The following CDK13 variants were observed in gnomAD, a reference collection of about 807,000 sequenced individuals.
CDK13 encodes the protein cyclin-dependent kinase 13.
A neutral mutation model predicts 137.6 loss-of-function variants in CDK13; 40 were observed. That is an observed-to-expected ratio of 0.29 (90% confidence interval 0.23 to 0.38). CDK13 has a LOEUF of 0.38. Ranked by LOEUF, CDK13 falls within the 10% of genes least tolerant of loss-of-function variation. The probability of loss-of-function intolerance (pLI) is 1.00; values close to 1 mark genes in which losing one functional copy is unlikely to be tolerated. For missense variants in CDK13, 1,704 were observed against 1,951.8 expected, an observed-to-expected ratio of 0.87 and a Z score of 2.39; for synonymous variants, 869 against 760.1, an observed-to-expected ratio of 1.14 and a Z score of -2.36.
At chr7:40,037,360 A>G (rs992522943) in intron 5 of CDK13, among the ~76,000 whole-genome samples, 2 of 152,192 alleles carry the variant, frequency 1.3e-5, no homozygotes, top group African/African-American at 4.8e-5. Flanking sequence ...CACTTCCAAG[A>G]TGGCTCCCCT....
intron 1 of CDK13, among the ~76,000 whole-genome samples, chr7:39,975,839 T>G (rs1038996980): frequency 2.6e-5 from 4 of 152,228 alleles, no homozygotes; most frequent in Admixed American, 2.0e-4. Flanking sequence ...GTTTTATTTT[T>G]ATTTTAAATG....
chr7:39,962,329 T>C (rs551680377), intron 1 of CDK13, among the ~76,000 whole-genome samples: 3 of 152,370 alleles, frequency 2.0e-5, no homozygotes, highest in Admixed American at 2.0e-4. Context: ...ATCACCATTC[T>C]AACTGGTGTG....
chr7:40,024,954 G>T (rs1022591467), intron 5 of CDK13, among the ~76,000 whole-genome samples: 4 of 151,980 alleles, frequency 2.6e-5, no homozygotes. Context: ...GTGAGCCACC[G>T]CACCCAGCTG....
chr7:40,072,347 G>C (rs1027663678), intron 9 of CDK13: 1 of 152,222 alleles, frequency 6.6e-6, no homozygotes, highest in Non-Finnish European at 1.5e-5. Context: ...GGTTGGTCTC[G>C]AACTCATGAC....
Position 39,951,244 on chromosome 7 carries a change from C to T in CDK13, c.603C>T (p.Asp201=). The change falls in exon 1 of 14, where the codon GAC becomes GAT. Residue 201 remains aspartate, a synonymous_variant. Transcript: ENST00000181839. ...GGTCGGAGCGCAGGCCCCGCCGGGACCGCCGCAGCAGCAGTGGCCGCAGCA... is the reference window on the plus strand; with the variant it reads ...GGTCGGAGCGCAGGCCCCGCCGGGATCGCCGCAGCAGCAGTGGCCGCAGCA... ...GEGSERRPRR[D]RRSSSGRSKE... 1 of 1,289,396 alleles carries T rather than the reference C, an allele frequency of 7.8e-7. No homozygotes were observed. The highest frequency in any genetic ancestry group is 9.8e-7 in the Non-Finnish European group (1 of 1,022,410). The allele number at this position is 1,289,396 out of a possible 1,614,324, so 79.9% of individuals were successfully genotyped here. A position where few individuals can be genotyped will look rare whatever the true frequency, so the allele number is the denominator to read the frequency against.
At chr7:39,962,689 A>G (rs1226552339) in intron 1 of CDK13, among the ~76,000 whole-genome samples, 1 of 152,124 alleles carries the variant, frequency 6.6e-6, no homozygotes. Flanking sequence ...TTGGTGTTTT[A>G]GACATGAAGT....
chr7:39,951,181 T>G lies in CDK13; in HGVS notation c.540T>G (p.Ser180Arg), dbSNP rs1583892437. The G allele has an allele frequency of 8.1e-7, 1 of 1,240,840 alleles. No individual in the cohort carries two copies. The highest frequency in any genetic ancestry group is 1.0e-6 in the Non-Finnish European group (1 of 994,804). The allele number at this position is 1,240,840 out of a possible 1,614,324, so 76.9% of individuals were successfully genotyped here. A position where few individuals can be genotyped will look rare whatever the true frequency, so the allele number is the denominator to read the frequency against. Residue 180 changes from serine to arginine, a missense_variant, in exon 1 of 14, where the codon AGT (serine) becomes AGG (arginine). By Grantham distance (110) the Ser-to-Arg change is moderately radical (BLOSUM62 -1). Around this residue, in one of 5 missense-constraint regions of CDK13, gnomAD observed 1,051 missense variants for 931.0 expected, o/e 1.13. Transcript: ENST00000181839. ...GGGGAACGGGGGGCAGCGGCGGGAGTCCGGCCTCCTCCTCCGGCACCCAGC... is the reference window on the plus strand; with the variant it reads ...GGGGAACGGGGGGCAGCGGCGGGAGGCCGGCCTCCTCCTCCGGCACCCAGC... Reference protein sequence around the residue: ...AAGGTGGSGGSPASSSGTQRR... With the variant: ...AAGGTGGSGGRPASSSGTQRR...
chr7:39,961,884 G>A (rs1257343828), intron 1 of CDK13, among the ~76,000 whole-genome samples: 5 of 152,150 alleles, frequency 3.3e-5, no homozygotes, highest in African/African-American at 4.8e-5. Flanking sequence ...AGAACATGCG[G>A]TGTTTGGTTT....
At chr7:40,055,731 G>A (rs1187309890) in intron 7 of CDK13, among the ~76,000 whole-genome samples, 3 of 151,518 alleles carry the variant, frequency 2.0e-5, no homozygotes, top group East Asian at 1.9e-4. Flanking sequence ...GGCATGCACC[G>A]TGATACCTGG....
At chr7:39,956,273 A>C (rs1391910171) in intron 1 of CDK13, among the ~76,000 whole-genome samples, 1 of 152,236 alleles carries the variant, frequency 6.6e-6, no homozygotes, top group Non-Finnish European at 1.5e-5. Flanking sequence ...TAACTGTCTT[A>C]AATTTCCAAA....
chr7:39,975,352 C>T (rs1784083788), intron 1 of CDK13, among the ~76,000 whole-genome samples: 1 of 152,054 alleles, frequency 6.6e-6, no homozygotes, highest in Non-Finnish European at 1.5e-5. Flanking sequence ...GTTGAGGCTG[C>T]AGTGAGCCAA....
At chr7:39,972,197 T>C (rs1439967696) in intron 1 of CDK13, among the ~76,000 whole-genome samples, 1 of 152,192 alleles carries the variant, frequency 6.6e-6, no homozygotes, top group Non-Finnish European at 1.5e-5. Flanking sequence ...CAGCCACGTG[T>C]CTTTTTGTTG....
chr7:39,966,559 C>G (rs772955476), intron 1 of CDK13, among the ~76,000 whole-genome samples: 1 of 151,954 alleles, frequency 6.6e-6, no homozygotes, highest in Non-Finnish European at 1.5e-5. Context: ...TTCGAATTTC[C>G]TCCTTTAGCT....
chr7:39,996,258 G>T (rs1784558973), intron 2 of CDK13, among the ~76,000 whole-genome samples: 1 of 152,154 alleles, frequency 6.6e-6, no homozygotes, highest in Non-Finnish European at 1.5e-5. Flanking sequence ...AGTAATTTCT[G>T]ATCACAGCAG....
chr7:40,006,153 T>C (rs749910225), intron 5 of CDK13, among the ~76,000 whole-genome samples: 2 of 152,222 alleles, frequency 1.3e-5, no homozygotes, highest in Non-Finnish European at 2.9e-5. Flanking sequence ...TTGAACCTTT[T>C]TGTCTGATTT....
intron 1 of CDK13, among the ~76,000 whole-genome samples, chr7:39,976,220 G>A (rs1784101449): frequency 6.6e-6 from 1 of 151,742 alleles, no homozygotes; most frequent in African/African-American, 2.4e-5. Context: ...TTGAACCCGG[G>A]AGGCGGAGGT....
At chr7:39,969,100 C>T (rs961937438) in intron 1 of CDK13, among the ~76,000 whole-genome samples, 1 of 152,088 alleles carries the variant, frequency 6.6e-6, no homozygotes, top group Non-Finnish European at 1.5e-5. Context: ...ACCTCTACCT[C>T]CCAGGTTCAA....
Position 40,094,201 on chromosome 7 carries a change from A to G in CDK13, c.3760A>G (p.Ile1254Val). The change falls in exon 14 of 14, where the codon ATT (isoleucine) becomes GTT (valine). Residue 1254 changes from isoleucine to valine, a missense_variant. This residue lies in a region of CDK13 where 475 missense variants were observed against 579.3 expected (regional missense o/e 0.82). Coordinates refer to ENST00000181839, the MANE Select transcript of CDK13 (RefSeq NM_003718.5). ...ELTPEPDRPR[I>V]LPPDQRPPEP... The stretch of plus-strand genomic sequence containing the variant: ...AACGCCAGAACCAGACCGGCCTCGA[A>G]TTCTGCCTCCTGACCAACGACCTCC... The G allele has an allele frequency of 6.2e-7, 1 of 1,613,920 alleles. No homozygotes were observed. Among genetic ancestry groups the G allele is most frequent in the Non-Finnish European group, 8.5e-7 (1 of 1,179,972 alleles).
intron 5 of CDK13, among the ~76,000 whole-genome samples, chr7:40,026,011 T>C (rs1157811973): frequency 1.3e-5 from 2 of 152,218 alleles, no homozygotes; most frequent in Non-Finnish European, 2.9e-5. Context: ...TCTATCTGGC[T>C]GTCTTTCCTT....
Sources: gnomAD v4.1 joint callset for allele counts (sites outside exome capture counted in the v4.1 genomes callset) on GRCh38, gnomAD v4.1.1 for gene constraint, gnomAD v4.1.1 regional missense constraint, MANE v1.5 for transcripts, NCBI Gene and HGNC (gene_info 2026-07-23, HGNC 2026-07-21) for gene names.